The following TTC39B variants were observed in gnomAD, a reference collection of about 807,000 sequenced individuals.
TTC39B encodes tetratricopeptide repeat protein 39B.
In TTC39B, 92 loss-of-function variants were observed where a neutral mutation model predicts 96.6. The ratio of observed to expected loss-of-function variants is 0.95; its 90% confidence interval spans 0.80 to 1.13. The LOEUF (loss-of-function observed/expected upper bound fraction) is 1.13. Ranked by LOEUF, TTC39B falls within the 50% of genes most tolerant of loss-of-function variation. The probability of loss-of-function intolerance (pLI) is 0.00; values close to 1 mark genes in which losing one functional copy is unlikely to be tolerated. For missense variants in TTC39B, 955 were observed against 809.3 expected, an observed-to-expected ratio of 1.18 and a Z score of -2.18; for synonymous variants, 367 against 299.4, an observed-to-expected ratio of 1.23 and a Z score of -2.33.
chr9:15,298,196 T>C (rs763330788), intron 1 of TTC39B, among the ~76,000 whole-genome samples: 1 of 152,102 alleles, frequency 6.6e-6, no homozygotes, highest in African/African-American at 2.4e-5. Context: ...GCACCTGTAG[T>C]CCCCCAGGTT....
At chr9:15,301,308 C>A (rs896897675) in intron 1 of TTC39B, among the ~76,000 whole-genome samples, 1 of 152,192 alleles carries the variant, frequency 6.6e-6, no homozygotes, top group Non-Finnish European at 1.5e-5. Context: ...CCTACCCTAA[C>A]CCAAAGATAG....
chr9:15,288,929 A>G lies in TTC39B; in HGVS notation c.240+18155T>C, dbSNP rs1473656916. On this transcript the variant is annotated intron_variant, in intron 1 of 19. Transcript: ENST00000512701. ...AGTCACACATCCCATGAGGGGAGTC[A>G]GGGAACTCTCATAGGCTATTATTAC... Among the ~76,000 whole-genome samples the G allele has an allele frequency of 2.0e-5, 3 of 152,254 alleles. No individual in the cohort carries two copies. The South Asian group carries it at 6.2e-4, about 31-fold the overall frequency.
chr9:15,302,758 C>T lies in TTC39B; in HGVS notation c.240+4326G>A, dbSNP rs190730027. 9.0e-3 allele frequency among the ~76,000 whole-genome samples: 1,362 copies of T among 151,982 alleles called. 18 individuals carry two copies. The highest frequency in any genetic ancestry group is 0.031 in the African/African-American group (1,267 of 41,454). ...ACTCGGGAGGCTGAGGCAGGAGAATCGCTTGAACCCGGGAGGCGGAGGTTG... is the reference window on the plus strand; with the variant it reads ...ACTCGGGAGGCTGAGGCAGGAGAATTGCTTGAACCCGGGAGGCGGAGGTTG... On this transcript the variant is annotated intron_variant, in intron 1 of 19. Transcript: ENST00000512701.
At chr9:15,177,198 T>C (rs1044803772) in intron 18 of TTC39B, among the ~76,000 whole-genome samples, 1 of 152,110 alleles carries the variant, frequency 6.6e-6, no homozygotes, top group African/African-American at 2.4e-5. Flanking sequence ...CCAGGCATAG[T>C]AGTGCACACT....
At chr9:15,257,016 TA>T (rs1483869511) in intron 2 of TTC39B, among the ~76,000 whole-genome samples, 4 of 152,152 alleles carry the variant, frequency 2.6e-5, no homozygotes, top group African/African-American at 7.2e-5. Flanking sequence ...AACATACTGT[TA>T]AAAAAATAAA....
At position 15,296,002 on chromosome 9, in the gene TTC39B, TA is replaced by T. The variant is rs1824360878; in HGVS notation, c.240+11081del. ...TCTTGTCTACCTCCTCTCAAAAAGA[TA>T]ATACTCCATTTGGTCTGAAAAACAA... On this transcript the variant is annotated intron_variant, in intron 1 of 19. Coordinates refer to ENST00000512701, the Ensembl canonical transcript of TTC39B. Among the ~76,000 whole-genome samples, 3 of 152,336 alleles carry T rather than the reference TA, an allele frequency of 2.0e-5. No individual in the cohort carries two copies. The South Asian group carries it at 6.2e-4, about 32-fold the overall frequency.
chr9:15,236,305 G>A (rs1586935658), intron 2 of TTC39B, among the ~76,000 whole-genome samples: 1 of 152,100 alleles, frequency 6.6e-6, no homozygotes, highest in East Asian at 1.9e-4. Flanking sequence ...CAATACTGGG[G>A]CACCCAGATT....
intron 1 of TTC39B, among the ~76,000 whole-genome samples, chr9:15,271,703 G>T (rs890316546): frequency 5.9e-5 from 9 of 152,178 alleles, no homozygotes; most frequent in Non-Finnish European, 1.2e-4. Context: ...AGGCATTGGG[G>T]ACCCCTGCTT....
rs1387664027 is a variant in TTC39B at position 15,166,982 on chromosome 9, T to TTTTTTTTATATATA, written c.*5036_*5037insTATATATAAAAAAA. The TTTTTTTTATATATA allele has an allele frequency of 2.0e-3, 40 of 20,280 alleles. 1 individual carries two copies. The highest frequency in any genetic ancestry group is 5.9e-3 in the South Asian group (2 of 340). 1.3% of individuals were successfully genotyped at this position (20,280 alleles called of 1,614,324 possible). ...TAACATGTGTCCACAAACCTTTATT[T>TTTTTTTTATATATA]TATATATATATATATATATATATAT... is the stretch of plus-strand genomic sequence containing the variant. On this transcript the variant is annotated 3_prime_UTR_variant, in exon 20 of 20. Transcript: ENST00000512701.
chr9:15,174,243 T>C (rs1401022419), intron 19 of TTC39B, among the ~76,000 whole-genome samples: 3 of 116,542 alleles, frequency 2.6e-5, no homozygotes, highest in African/African-American at 1.1e-4. Context: ...TTTATAGTTG[T>C]CTCTCTAAAG....
At chr9:15,183,304 C>T in intron 16 of TTC39B, 1 of 417,220 alleles carries the variant, frequency 2.4e-6, no homozygotes, top group Non-Finnish European at 4.6e-6. Context: ...CAATTTATTG[C>T]TGCTAATAGA....
intron 10 of TTC39B, 54 bp from the exon 11 acceptor site, chr9:15,190,716 C>T (rs1168169067): frequency 2.1e-6 from 3 of 1,439,022 alleles, no homozygotes; most frequent in Admixed American, 3.6e-5. Flanking sequence ...AAATCATATT[C>T]AGAAACTTTT....
At chr9:15,271,881 G>C (rs1321580018) in intron 1 of TTC39B, among the ~76,000 whole-genome samples, 1 of 152,162 alleles carries the variant, frequency 6.6e-6, no homozygotes, top group Non-Finnish European at 1.5e-5. Flanking sequence ...ATATCTTTAT[G>C]AGACTCTTAT....
At chr9:15,221,380 ATTAT>A (rs2131387228) in intron 3 of TTC39B, among the ~76,000 whole-genome samples, 1 of 152,294 alleles carries the variant, frequency 6.6e-6, no homozygotes, top group African/African-American at 2.4e-5. Context: ...CATTACAGTC[ATTAT>A]TTATTTTCTT....
intron 2 of TTC39B, among the ~76,000 whole-genome samples, chr9:15,235,880 C>A (rs1447064829): frequency 6.6e-6 from 1 of 152,144 alleles, no homozygotes; most frequent in Non-Finnish European, 1.5e-5. Flanking sequence ...GCAAAGCTCA[C>A]AGATCTTATA....
At position 15,190,590 on chromosome 9, in the gene TTC39B, TG is replaced by T. The variant is rs1818799112; in HGVS notation, c.1068del (p.Ile357SerfsTer2). 1 of 1,614,056 alleles carries T rather than the reference TG, an allele frequency of 6.2e-7. No homozygotes were observed. Among genetic ancestry groups the T allele is most frequent in the African/African-American group, 1.3e-5 (1 of 74,928 alleles). On this transcript the variant is annotated frameshift_variant, in exon 11 of 20. Transcript: ENST00000512701. LOFTEE classifies it high-confidence loss of function. ...GAGATGTAAGTATGAAAAGCTAAGA[TG>T]GTTAAGCAGCACAGTGCAGACCTCA...
intron 3 of TTC39B, among the ~76,000 whole-genome samples, chr9:15,219,574 G>A (rs1044485453): frequency 5.3e-5 from 8 of 152,094 alleles, no homozygotes; most frequent in African/African-American, 1.9e-4. Context: ...TCATCCAAGA[G>A]GTGCCCTCCC....
intron 2 of TTC39B, among the ~76,000 whole-genome samples, chr9:15,250,791 G>C (rs986608432): frequency 1.3e-5 from 2 of 152,172 alleles, no homozygotes; most frequent in African/African-American, 2.4e-5. Flanking sequence ...AGCTCTCCTG[G>C]GGAATAAGGT....
intron 2 of TTC39B, among the ~76,000 whole-genome samples, chr9:15,253,227 T>C (rs1378499006): frequency 6.6e-6 from 1 of 152,232 alleles, no homozygotes; most frequent in East Asian, 1.9e-4. Context: ...AGAGTCATTA[T>C]TGTGGGTTAT....
Sources: gnomAD v4.1 joint callset for allele counts (sites outside exome capture counted in the v4.1 genomes callset) on GRCh38, gnomAD v4.1.1 for gene constraint, MANE v1.5 for transcripts, NCBI Gene and HGNC (gene_info 2026-07-23, HGNC 2026-07-21) for gene names.